The following DMD variants were observed in gnomAD, a reference collection of about 807,000 sequenced individuals.
DMD encodes the protein mutant dystrophin.
A neutral mutation model predicts 330.1 loss-of-function variants in DMD; 63 were observed. That is an observed-to-expected ratio of 0.19 (90% confidence interval 0.16 to 0.24). The LOEUF is 0.24. Ranked by LOEUF, DMD falls within the 10% of genes least tolerant of loss-of-function variation. The pLI is 1.00. For synonymous variants in DMD, 1,223 were observed against 959.8 expected, an observed-to-expected ratio of 1.27 and a Z score of -5.07; for missense variants, 3,344 against 2,684.1, an observed-to-expected ratio of 1.25 and a Z score of -5.43.
chrX:32,899,986 A>C (rs2086097126), intron 2 of DMD, among the ~76,000 whole-genome samples: 1 of 111,729 alleles, frequency 9.0e-6, no homozygotes, highest in Non-Finnish European at 1.9e-5. Context: ...AAAAAAAAGA[A>C]AGTTTGTGAA....
At chrX:33,291,069 C>T (rs141404181) in intron 1 of DMD, among the ~76,000 whole-genome samples, 1,564 of 110,999 alleles carry the variant, frequency 0.014, 25 homozygotes, top group African/African-American at 0.049. Context: ...ACGATTAAGT[C>T]GACTTCATCC....
At chrX:32,542,634 G>A (rs924531256) in intron 17 of DMD, among the ~76,000 whole-genome samples, 1 of 111,976 alleles carries the variant, frequency 8.9e-6, no homozygotes, top group Non-Finnish European at 1.9e-5. Flanking sequence ...ATATTAGTGG[G>A]CTTCAGATGA....
At chrX:33,238,934 C>T (rs762769047) in intron 1 of DMD, among the ~76,000 whole-genome samples, 32 of 110,671 alleles carry the variant, frequency 2.9e-4, no homozygotes, top group African/African-American at 8.2e-4. Context: ...TTAACAGCAT[C>T]GCCGTTATAT....
intron 50 of DMD, among the ~76,000 whole-genome samples, chrX:31,775,928 T>C (rs977776260): frequency 1.8e-5 from 2 of 111,862 alleles, no homozygotes; most frequent in Non-Finnish European, 3.8e-5. Flanking sequence ...ATAAAAAAAT[T>C]TGTGTCACGA....
chrX:32,781,161 G>C (rs1425692384), intron 7 of DMD, among the ~76,000 whole-genome samples: 1 of 107,621 alleles, frequency 9.3e-6, no homozygotes, highest in Non-Finnish European at 1.9e-5. Context: ...TTATGCTCTG[G>C]GAATTCAGCT....
intron 62 of DMD, among the ~76,000 whole-genome samples, chrX:31,299,911 T>C (rs2054512687): frequency 9.0e-6 from 1 of 111,611 alleles, no homozygotes; most frequent in Admixed American, 9.5e-5. Flanking sequence ...TGGATTTATG[T>C]GTCCACACAA....
At position 31,120,993 on chromosome X, in the gene DMD, AGTT is replaced by A. The variant is rs869191533; in HGVS notation, c.*923_*925del. 9.0e-6 allele frequency: 1 copy of A among 111,513 alleles called. No individual in the cohort carries two copies. Among genetic ancestry groups the A allele is most frequent in the Non-Finnish European group, 1.9e-5 (1 of 53,021 alleles). 9.2% of individuals were successfully genotyped at this position (111,513 alleles called of 1,213,427 possible). ...TACTTTACTTTCGTTGTCAGTGGAA[AGTT>A]GTTTAAAATGAGAAACATCTGGAGC... On this transcript the variant is annotated 3_prime_UTR_variant, in exon 79 of 79. Coordinates refer to ENST00000357033, the MANE Select transcript of DMD (RefSeq NM_004006.3).
At chrX:32,536,221 C>T (rs773324940) in intron 17 of DMD, among the ~76,000 whole-genome samples, 12 of 97,698 alleles carry the variant, frequency 1.2e-4, no homozygotes, top group African/African-American at 4.0e-4. Context: ...GCTGAGATCG[C>T]GCCACTGCAC....
intron 41 of DMD, among the ~76,000 whole-genome samples, chrX:32,314,788 ACCT>A (rs1228753533): frequency 8.9e-6 from 1 of 111,936 alleles, no homozygotes; most frequent in Non-Finnish European, 1.9e-5. Flanking sequence ...TAAGAAAAAA[ACCT>A]CATCATCACT....
chrX:32,480,473 CATACACAGTATGTGTCTACGTGTTTAT>C (rs2041753417), intron 21 of DMD, among the ~76,000 whole-genome samples: 3 of 100,573 alleles, frequency 3.0e-5, no homozygotes, highest in South Asian at 4.0e-4. Context: ...TACGTGTGTA[CATACACAGTATGTGTCTACGTGTTTAT>C]ATACACAGAA....
At chrX:32,934,986 A>G (rs5972715) in intron 2 of DMD, among the ~76,000 whole-genome samples, 15,880 of 112,679 alleles carry the variant, frequency 0.14, 961 homozygotes, top group Middle Eastern at 0.23. Context: ...ACTACCGCCC[A>G]TGGGCTCCCC....
chrX:32,914,599 G>T lies in DMD; in HGVS notation c.94-64779C>A, dbSNP rs993222521. Among the ~76,000 whole-genome samples the T allele has an allele frequency of 3.6e-5, 4 of 112,079 alleles. No homozygotes were observed. The South Asian group carries it at 1.1e-3, about 31-fold the overall frequency. ...GCATTTGCAAAAGGAAACATGAGGA[G>T]AATGTTCCTAGCAGCACTGCCCAAA... On this transcript the variant is annotated intron_variant, in intron 2 of 78. Transcript: ENST00000357033.
chrX:32,189,020 G>C (rs12011864), intron 44 of DMD, among the ~76,000 whole-genome samples: 2,865 of 110,544 alleles, frequency 0.026, 94 homozygotes, highest in African/African-American at 0.086. Context: ...TGTCATCAGT[G>C]TGAATGAAAT....
intron 44 of DMD, among the ~76,000 whole-genome samples, chrX:32,055,363 C>T (rs908049133): frequency 2.7e-5 from 3 of 111,815 alleles, no homozygotes; most frequent in Non-Finnish European, 5.7e-5. Flanking sequence ...ATTTTCAAAA[C>T]GATGTGACAT....
intron 47 of DMD, among the ~76,000 whole-genome samples, chrX:31,916,110 C>T (rs909586748): frequency 9.0e-5 from 10 of 111,553 alleles, no homozygotes; most frequent in East Asian, 2.8e-4. Context: ...GAGCGCTTGC[C>T]GAAGGATGAG....
chrX:31,572,466 C>T (rs1247596002), intron 55 of DMD, among the ~76,000 whole-genome samples: 1 of 111,629 alleles, frequency 9.0e-6, no homozygotes, highest in East Asian at 2.8e-4. Flanking sequence ...ATTTTTTTTC[C>T]CTAATGGCTT....
intron 55 of DMD, among the ~76,000 whole-genome samples, chrX:31,547,264 T>C (rs1401916099): frequency 1.8e-5 from 2 of 112,117 alleles, no homozygotes; most frequent in African/African-American, 6.5e-5. Context: ...ATACACATGG[T>C]CTTATTAAAA....
intron 55 of DMD, among the ~76,000 whole-genome samples, chrX:31,594,004 C>A (rs1473374853): frequency 9.0e-6 from 1 of 111,166 alleles, no homozygotes; most frequent in Non-Finnish European, 1.9e-5. Flanking sequence ...ATTTCTAAAG[C>A]TTTTTGAGAT....
At chrX:32,974,519 C>T (rs962564099) in intron 2 of DMD, among the ~76,000 whole-genome samples, 2 of 111,386 alleles carry the variant, frequency 1.8e-5, no homozygotes, top group Non-Finnish European at 3.8e-5. Context: ...CGTATTTTTC[C>T]CTTGAGGTCT....
Sources: gnomAD v4.1 joint callset for allele counts (sites outside exome capture counted in the v4.1 genomes callset) on GRCh38, gnomAD v4.1.1 for gene constraint, MANE v1.5 for transcripts, NCBI Gene and HGNC (gene_info 2026-07-23, HGNC 2026-07-21) for gene names.